Variants in DPP10 observed in about 807,000 individuals in gnomAD.
The protein encoded by DPP10 is inactive dipeptidyl peptidase 10.
A neutral mutation model predicts 120.9 loss-of-function variants in DPP10; 33 were observed. The observed-to-expected ratio is 0.27, with a 90% CI of 0.21 to 0.37. DPP10 has a LOEUF of 0.37. Among genes scored for constraint, DPP10 ranks in the 10% least tolerant of loss-of-function variants. DPP10 has a pLI of 1.00. For missense variants in DPP10, 816 were observed against 942.8 expected (o/e 0.87, Z 1.76); for synonymous variants, 337 against 326.1 (o/e 1.03, Z -0.36).
intron 1 of DPP10, among the ~76,000 whole-genome samples, chr2:114,993,359 T>C (rs1700858998): frequency 3.9e-5 from 1 of 25,588 alleles, no homozygotes; most frequent in South Asian, 1.6e-3. Flanking sequence ...ACAGGGTGAA[T>C]AATACTTTTT....
At chr2:115,089,012 C>T (rs1709015093) in intron 1 of DPP10, among the ~76,000 whole-genome samples, 1 of 152,066 alleles carries the variant, frequency 6.6e-6, no homozygotes, top group African/African-American at 2.4e-5. Context: ...CTCAGAGTAA[C>T]ATCCTGGAGA....
chr2:114,899,176 A>G (rs547900735), intron 1 of DPP10, among the ~76,000 whole-genome samples: 1 of 151,772 alleles, frequency 6.6e-6, no homozygotes, highest in African/African-American at 2.4e-5. Flanking sequence ...CTATATATGA[A>G]TATATATATA....
intron 1 of DPP10, among the ~76,000 whole-genome samples, chr2:114,572,355 C>A (rs116767464): frequency 0.028 from 4,251 of 152,116 alleles, 82 homozygotes; most frequent in Middle Eastern, 0.048. Flanking sequence ...ATAGGCCCCC[C>A]AAAATAATAC....
intron 13 of DPP10, among the ~76,000 whole-genome samples, chr2:115,773,953 G>A (rs552951073): frequency 6.6e-6 from 1 of 151,934 alleles, no homozygotes; most frequent in African/African-American, 2.4e-5. Flanking sequence ...TACCATATTT[G>A]CCCTGGTAGA....
In DPP10 at chr2:114,585,629, G is replaced by A. The variant is rs570649792; in HGVS notation, c.60+142791G>A. Among the ~76,000 whole-genome samples the A allele has an allele frequency of 6.6e-5, 10 of 152,262 alleles. No individual in the cohort carries two copies. The South Asian group carries it at 1.5e-3, about 22-fold the overall frequency. On this transcript the variant is annotated intron_variant, in intron 1 of 25. Transcript: ENST00000410059. ...AAACTCAACTGGGCAGCAAGCTGTC[G>A]AGCTGGCAGACACCCAGATCAAGGA...
At chr2:115,134,721 G>C (rs953974153) in intron 1 of DPP10, among the ~76,000 whole-genome samples, 1 of 152,042 alleles carries the variant, frequency 6.6e-6, no homozygotes, top group African/African-American at 2.4e-5. Context: ...AGGGTCAGGG[G>C]TAAGTGCATT....
chr2:115,457,789 C>T (rs2073694642), intron 3 of DPP10, among the ~76,000 whole-genome samples: 1 of 152,056 alleles, frequency 6.6e-6, no homozygotes. Flanking sequence ...TATTACATAA[C>T]CCAGTAATTC....
At chr2:115,660,484 A>G (rs1292093153) in intron 5 of DPP10, among the ~76,000 whole-genome samples, 1 of 152,126 alleles carries the variant, frequency 6.6e-6, no homozygotes, top group Non-Finnish European at 1.5e-5. Flanking sequence ...TCTCCCCTGA[A>G]AATAGAGCAC....
intron 1 of DPP10, among the ~76,000 whole-genome samples, chr2:115,232,600 GA>G (rs894134589): frequency 2.6e-5 from 4 of 151,962 alleles, no homozygotes; most frequent in South Asian, 2.1e-4. Context: ...ATAGCCACTG[GA>G]AAAAAAATTC....
At chr2:114,676,286 C>G (rs1161476597) in intron 1 of DPP10, among the ~76,000 whole-genome samples, 1 of 152,124 alleles carries the variant, frequency 6.6e-6, no homozygotes, top group Non-Finnish European at 1.5e-5. Flanking sequence ...ACTAGCAATT[C>G]TCAATTATTT....
chr2:115,062,427 T>C (rs944605495), intron 1 of DPP10, among the ~76,000 whole-genome samples: 2 of 152,224 alleles, frequency 1.3e-5, no homozygotes, highest in East Asian at 1.9e-4. Flanking sequence ...GCAGGTTTGT[T>C]ACATAGGTAA....
intron 1 of DPP10, among the ~76,000 whole-genome samples, chr2:114,503,474 G>T (rs1683375114): frequency 6.6e-6 from 1 of 152,182 alleles, no homozygotes; most frequent in Admixed American, 6.5e-5. Context: ...ATATATCAAT[G>T]ACACGTTGGA....
intron 7 of DPP10, among the ~76,000 whole-genome samples, chr2:115,714,979 A>G (rs995631199): frequency 7.3e-5 from 11 of 150,020 alleles, no homozygotes; most frequent in Non-Finnish European, 1.2e-4. Flanking sequence ...GAGTGAGGCA[A>G]GATCGCGCCA....
At position 115,777,777 on chromosome 2, in the gene DPP10, T is replaced by G; in HGVS notation, c.1314-10T>G. On this transcript the variant is annotated splice_polypyrimidine_tract_variant and intron_variant, in intron 14 of 25. Coordinates refer to ENST00000410059, the MANE Select transcript of DPP10 (RefSeq NM_020868.6). ...TGTCTAATGCTTGTGTTGTTTTCTT[T>G]CCTGGACAGTTACTTTCTGAGCACT... is the stretch of plus-strand genomic sequence containing the variant. The G allele has an allele frequency of 6.2e-7, 1 of 1,613,186 alleles. No homozygotes were observed. Among genetic ancestry groups the G allele is most frequent in the Non-Finnish European group, 8.5e-7 (1 of 1,179,376 alleles).
chr2:115,397,442 T>C (rs1485847891), intron 3 of DPP10, among the ~76,000 whole-genome samples: 1 of 152,182 alleles, frequency 6.6e-6, no homozygotes, highest in Non-Finnish European at 1.5e-5. Context: ...CAAAAAAAGA[T>C]AGTGTGCCAT....
At chr2:115,776,513 A>G (rs947835349) in intron 13 of DPP10, among the ~76,000 whole-genome samples, 3 of 152,082 alleles carry the variant, frequency 2.0e-5, no homozygotes, top group Non-Finnish European at 4.4e-5. Context: ...CCAGTCTATC[A>G]TTGATGGGTA....
intron 11 of DPP10, among the ~76,000 whole-genome samples, chr2:115,762,045 G>A (rs1353198391): frequency 6.6e-6 from 1 of 152,046 alleles, no homozygotes; most frequent in Non-Finnish European, 1.5e-5. Flanking sequence ...AGACTGTTTT[G>A]AAGGGACACA....
At chr2:115,668,656 G>C (rs887360296) in intron 5 of DPP10, among the ~76,000 whole-genome samples, 1 of 152,028 alleles carries the variant, frequency 6.6e-6, no homozygotes, top group African/African-American at 2.4e-5. Flanking sequence ...TTAAAGGGTG[G>C]GCTGGTCTGT....
chr2:114,930,990 A>G (rs2104498915), intron 1 of DPP10, among the ~76,000 whole-genome samples: 1 of 152,208 alleles, frequency 6.6e-6, no homozygotes, highest in East Asian at 1.9e-4. Flanking sequence ...TGGGGACCAA[A>G]TGTCAACATG....
Sources: gnomAD v4.1 joint callset for allele counts (sites outside exome capture counted in the v4.1 genomes callset) on GRCh38, gnomAD v4.1.1 for gene constraint, MANE v1.5 for transcripts, NCBI Gene and HGNC (gene_info 2026-07-23, HGNC 2026-07-21) for gene names.